The following EFCAB13 variants were observed in gnomAD, a reference collection of about 807,000 sequenced individuals.
EFCAB13 encodes the protein EF-hand calcium binding domain 13.
EFCAB13 carries 91 observed loss-of-function variants against 110.2 expected under a neutral mutation model. The ratio of observed to expected loss-of-function variants is 0.83; its 90% CI spans 0.70 to 0.98. The LOEUF (loss-of-function observed/expected upper bound fraction) is 0.98, where lower values mean the gene tolerates loss of function less well. Ranked by LOEUF, EFCAB13 falls within the 50% of genes least tolerant of loss-of-function variation. EFCAB13 has a pLI of 0.00. For missense variants in EFCAB13, 968 were observed against 1,119.4 expected, an observed-to-expected ratio of 0.86 and a Z score of 1.93; for synonymous variants, 323 against 369.9, an observed-to-expected ratio of 0.87 and a Z score of 1.45.
chr17:47,410,871 A>G (rs947313181), intron 21 of EFCAB13, among the ~76,000 whole-genome samples: 1 of 152,146 alleles, frequency 6.6e-6, no homozygotes, highest in Admixed American at 6.5e-5. Context: ...ATAGGTCAGA[A>G]TTTTTTGTTT....
chr17:47,414,799 A>G (rs775377698), intron 22 of EFCAB13, 49 bp from the exon 23 acceptor site: 3 of 1,232,592 alleles, frequency 2.4e-6, no homozygotes, highest in East Asian at 4.8e-5. Flanking sequence ...TCATGTGCCA[A>G]TTCAGTATCA....
intron 14 of EFCAB13, among the ~76,000 whole-genome samples, chr17:47,382,665 G>C (rs774932756): frequency 1.3e-5 from 2 of 151,626 alleles, no homozygotes; most frequent in Non-Finnish European, 3.0e-5. Context: ...GCTTTTTGAT[G>C]TGTGGCTGGA....
Position 47,399,293 on chromosome 17 carries a change from CAT to C in EFCAB13, c.1946-2838_1946-2837del, listed in dbSNP as rs371877587. 4.9e-4 allele frequency among the ~76,000 whole-genome samples: 75 copies of C among 152,310 alleles called. 1 individual carries two copies. In the South Asian group the frequency reaches 0.014, roughly 29 times the overall value. ...TTTACAATTTAAGCCTAAATATACACATGATATTGAAAACTGTATCTGTACGC... is the reference window on the plus strand; with the variant it reads ...TTTACAATTTAAGCCTAAATATACACGATATTGAAAACTGTATCTGTACGC... On this transcript the variant is annotated intron_variant, in intron 17 of 24. Transcript: ENST00000331493.
rs552999159 is a variant in EFCAB13 at position 47,436,776 on chromosome 17, G to A, written c.2639-3655G>A. Among the ~76,000 whole-genome samples, 14 of 150,056 alleles carry A rather than the reference G, an allele frequency of 9.3e-5. No homozygotes were observed. In the South Asian group the frequency reaches 3.0e-3, roughly 32 times the overall value. ...TTTTTTTCAATTTCATTTAGTTCTG[G>A]TCTGATCTTTGTTATTTCCTTTCTT... On this transcript the variant is annotated intron_variant, in intron 24 of 24. Coordinates refer to ENST00000331493, the MANE Select transcript of EFCAB13 (RefSeq NM_152347.5).
intron 9 of EFCAB13, among the ~76,000 whole-genome samples, chr17:47,351,315 G>GCA (rs1216663978): frequency 1.8e-5 from 2 of 110,610 alleles, no homozygotes; most frequent in Admixed American, 9.9e-5. Context: ...GCGCGCGCGC[G>GCA]CGCGCGCGCG....
chr17:47,379,048 A>G, intron 13 of EFCAB13, 134 bp from the exon 14 acceptor site: 1 of 636,344 alleles, frequency 1.6e-6, no homozygotes, highest in Non-Finnish European at 2.7e-6. Context: ...GAATTATGAG[A>G]CATGATATGA....
chr17:47,375,222 A>C (rs775756876), intron 12 of EFCAB13, among the ~76,000 whole-genome samples: 2 of 152,128 alleles, frequency 1.3e-5, no homozygotes, highest in African/African-American at 2.4e-5. Flanking sequence ...CCTATGCAAA[A>C]ATTCTGGAAA....
At chr17:47,357,605 G>T (rs933289636) in intron 9 of EFCAB13, among the ~76,000 whole-genome samples, 2 of 152,070 alleles carry the variant, frequency 1.3e-5, no homozygotes, top group African/African-American at 2.4e-5. Flanking sequence ...CATAGAAGTG[G>T]GATTTCACCA....
intron 11 of EFCAB13, among the ~76,000 whole-genome samples, chr17:47,374,023 A>T (rs1403850446): frequency 1.3e-5 from 2 of 152,078 alleles, no homozygotes; most frequent in African/African-American, 4.8e-5. Flanking sequence ...ATATGAAGTT[A>T]TTTTTTCCTC....
chr17:47,397,368 C>A (rs1421637915), intron 17 of EFCAB13, among the ~76,000 whole-genome samples: 1 of 152,112 alleles, frequency 6.6e-6, no homozygotes, highest in African/African-American at 2.4e-5. Context: ...GCTACAACCT[C>A]CACCTCCCAG....
chr17:47,351,172 T>G (rs2143287051), intron 9 of EFCAB13, among the ~76,000 whole-genome samples: 1 of 152,304 alleles, frequency 6.6e-6, no homozygotes, highest in East Asian at 1.9e-4. Flanking sequence ...GCTTTCATTA[T>G]CTTAAGTGAA....
At chr17:47,367,309 G>C (rs1316970609) in intron 10 of EFCAB13, among the ~76,000 whole-genome samples, 1 of 152,198 alleles carries the variant, frequency 6.6e-6, no homozygotes, top group African/African-American at 2.4e-5. Context: ...CCAATTTTCA[G>C]AGAATCAGAG....
intron 24 of EFCAB13, among the ~76,000 whole-genome samples, chr17:47,433,324 C>T (rs1905154802): frequency 6.6e-6 from 1 of 152,112 alleles, no homozygotes; most frequent in Non-Finnish European, 1.5e-5. Context: ...TAACCTTGAT[C>T]ACTTGAAGTG....
intron 23 of EFCAB13, among the ~76,000 whole-genome samples, chr17:47,415,172 G>T (rs1904395983): frequency 6.6e-6 from 1 of 151,818 alleles, no homozygotes; most frequent in South Asian, 2.1e-4. Flanking sequence ...TCACTCATAG[G>T]TGGGAATTGA....
At chr17:47,379,798 G>A (rs957142892) in intron 14 of EFCAB13, among the ~76,000 whole-genome samples, 4 of 152,014 alleles carry the variant, frequency 2.6e-5, no homozygotes, top group African/African-American at 7.2e-5. Flanking sequence ...AATGAGAAAC[G>A]AAAGATATTA....
At position 47,327,521 on chromosome 17, in the gene EFCAB13, G is replaced by A. The variant is rs571555597; in HGVS notation, c.-85-748G>A. ...ATCCCAGGCTGGAGTGCAGTGGTGC[G>A]ATCTTGGCTCACTGCAATCTCCGCC... On this transcript the variant is annotated intron_variant, in intron 3 of 24. Transcript: ENST00000331493. Among the ~76,000 whole-genome samples, 11 of 151,162 alleles carry A rather than the reference G, an allele frequency of 7.3e-5. No individual in the cohort carries two copies. The South Asian group carries it at 1.7e-3, about 23-fold the overall frequency.
chr17:47,349,823 G>A (rs966021600), intron 9 of EFCAB13, among the ~76,000 whole-genome samples: 6 of 141,668 alleles, frequency 4.2e-5, no homozygotes, highest in Non-Finnish European at 7.5e-5. Flanking sequence ...GCTGGACTGC[G>A]GACTGCAGTG....
At chr17:47,430,277 G>A in intron 24 of EFCAB13, 2 of 996,116 alleles carry the variant, frequency 2.0e-6, no homozygotes, top group Middle Eastern at 5.0e-4. Context: ...GGTCCTGGAG[G>A]CCCTTTTGGT....
At chr17:47,430,112 C>A in intron 24 of EFCAB13, 151 bp downstream of exon 24, 1 of 1,295,830 alleles carries the variant, frequency 7.7e-7, no homozygotes, top group Non-Finnish European at 9.8e-7. Context: ...ACAGGTGTGC[C>A]AACCCTGAGC....
Sources: allele counts gnomAD v4.1 joint callset (sites outside exome capture counted in the v4.1 genomes callset), GRCh38; gene constraint gnomAD v4.1.1; transcripts MANE v1.5; gene names NCBI Gene and HGNC (gene_info 2026-07-23, HGNC 2026-07-21).